The following CELF2 variants were observed in gnomAD, a reference collection of about 807,000 sequenced individuals.
CELF2 encodes the protein CUGBP Elav-like family member 2, also known as CUG triplet repeat RNA-binding protein 2.
In CELF2, 8 loss-of-function variants were observed where a neutral mutation model predicts 62.6. The ratio of observed to expected loss-of-function variants is 0.13; its 90% CI spans 0.07 to 0.23. CELF2 has a LOEUF of 0.23. Ranked by LOEUF, CELF2 falls within the 10% of genes least tolerant of loss-of-function variation. The pLI, the probability that CELF2 is intolerant of heterozygous loss-of-function variation, is 1.00. For missense variants in CELF2, 333 were observed against 671.0 expected (o/e 0.50, Z 5.56); for synonymous variants, 258 against 250.0 (o/e 1.03, Z -0.30).
rs185361141 is a variant in CELF2, at chr10:10,800,203, G to A, written c.53+1386G>A. On this transcript the variant is annotated intron_variant, in intron 1 of 13. Coordinates refer to the CELF2 transcript ENST00000636488. ...AAAAAGTACTGCATGTCATATTCTA[G>A]AACTTTCCACGGATGCTTTTTGCAC... Among the ~76,000 whole-genome samples, 355 of 152,232 alleles carry A rather than the reference G, an allele frequency of 2.3e-3. 2 individuals are homozygous for A. Among genetic ancestry groups the A allele is most frequent in the Non-Finnish European group, 5.4e-4 (37 of 68,020 alleles).
rs1363404002 is a variant in CELF2 at position 11,103,478 on chromosome 10, T to A, written c.75-62008T>A. On this transcript the variant is annotated intron_variant, in intron 1 of 12. Coordinates refer to ENST00000633077, the MANE Select transcript of CELF2 (RefSeq NM_001326342.2). The stretch of plus-strand genomic sequence containing the variant: ...CTTCTGAATCGGATAAACCTGTGTT[T>A]GTAGCCTGATTTTTTTTTTTTTTTT... Among the ~76,000 whole-genome samples the A allele has an allele frequency of 1.2e-4, 17 of 144,702 alleles. No homozygotes were observed. In the Admixed American group the frequency reaches 1.2e-3, roughly 11 times the overall value. The allele number at this position is 144,702 out of a possible 152,430, so 94.9% of individuals were successfully genotyped here.
chr10:10,778,706 T>A, the CELF2 span, among the ~76,000 whole-genome samples: 9 of 152,144 alleles, frequency 5.9e-5, no homozygotes, highest in Non-Finnish European at 1.0e-4. Flanking sequence ...GATAAATATA[T>A]GTAAAAAATG....
chr10:11,091,345 G>A (rs2048275036), intron 1 of CELF2, among the ~76,000 whole-genome samples: 1 of 152,180 alleles, frequency 6.6e-6, no homozygotes. Flanking sequence ...TTCAGCAAAG[G>A]AATGAAATTT....
rs77332367 is a variant in CELF2 at position 11,220,922 on chromosome 10, G to T, written c.354+3415G>T. Among the ~76,000 whole-genome samples the T allele has an allele frequency of 6.6e-6, 1 of 152,168 alleles. No homozygotes were observed. Among genetic ancestry groups the T allele is most frequent in the African/African-American group, 2.4e-5 (1 of 41,412 alleles). On this transcript the variant is annotated intron_variant, in intron 3 of 12. Coordinates refer to ENST00000633077, the MANE Select transcript of CELF2 (RefSeq NM_001326342.2). This position sits in a 1 kb window ranked among gnomAD's most constrained non-coding sequence, Gnocchi z 4.4. ...GTATTGGCAGGAAGTAGCAGGGATCGAGCCCAAGGGGGCCTCTAGCTAATC... is the reference window on the plus strand; with the variant it reads ...GTATTGGCAGGAAGTAGCAGGGATCTAGCCCAAGGGGGCCTCTAGCTAATC...
chr10:11,217,526 G>T lies in CELF2; in HGVS notation c.354+19G>T. The stretch of plus-strand genomic sequence containing the variant: ...ACCTGGGGTGAGTCGGTTTACTTTT[G>T]TACCAGAATCACTTTATTGCTTGAA... On this transcript the variant is annotated intron_variant, in intron 3 of 12. Transcript: ENST00000633077. The surrounding 1 kb of genome is among the most constrained non-coding windows in gnomAD (Gnocchi z 5.6). The T allele has an allele frequency of 1.3e-6, 2 of 1,554,894 alleles. No homozygotes were observed. The highest frequency in any genetic ancestry group is 1.1e-5 in the South Asian group (1 of 88,030).
At chr10:10,923,730 T>C (rs2065140836) in intron 2 of CELF2, 1 of 152,254 alleles carries the variant, frequency 6.6e-6, no homozygotes, top group South Asian at 2.1e-4. Flanking sequence ...ACCAATGATC[T>C]TGTTAGGATT....
intron 3 of CELF2, among the ~76,000 whole-genome samples, chr10:11,230,518 T>C (rs1482108186): frequency 6.6e-6 from 1 of 152,202 alleles, no homozygotes; most frequent in Non-Finnish European, 1.5e-5. Flanking sequence ...AGAGATCCTC[T>C]GGAGAGGCTG....
chr10:11,211,457 C>T lies in CELF2; in HGVS notation c.272-5968C>T, dbSNP rs2061750539. Among the ~76,000 whole-genome samples, 1 of 152,156 alleles carries T rather than the reference C, an allele frequency of 6.6e-6. No individual in the cohort carries two copies. Among genetic ancestry groups the T allele is most frequent in the African/African-American group, 2.4e-5 (1 of 41,412 alleles). ...ATGAGTTTAAAATCTGACCTCATAT[C>T]ATTGTCTAGAGTGGTGTCTACATTA... is the stretch of plus-strand genomic sequence containing the variant. On this transcript the variant is annotated intron_variant, in intron 2 of 12. Coordinates refer to ENST00000633077, the MANE Select transcript of CELF2 (RefSeq NM_001326342.2). The surrounding 1 kb of genome is among the most constrained non-coding windows in gnomAD (Gnocchi z 4.8).
chr10:11,097,822 C>T (rs1595178328), intron 1 of CELF2, among the ~76,000 whole-genome samples: 1 of 152,340 alleles, frequency 6.6e-6, no homozygotes, highest in East Asian at 1.9e-4. Flanking sequence ...GTCAACCAAC[C>T]TTTGTCACCA....
intron 1 of CELF2, among the ~76,000 whole-genome samples, chr10:10,912,491 T>C (rs534336857): frequency 1.3e-5 from 2 of 152,250 alleles, no homozygotes; most frequent in South Asian, 4.2e-4. Context: ...TGCCTCAGCC[T>C]CCCGAGTAGC....
chr10:10,519,699 A>T, the CELF2 span, among the ~76,000 whole-genome samples: 1 of 152,148 alleles, frequency 6.6e-6, no homozygotes, highest in African/African-American at 2.4e-5. Context: ...AAACCACAAG[A>T]CTGGTCATGG....
At chr10:10,903,899 A>G (rs10905858) in intron 1 of CELF2, among the ~76,000 whole-genome samples, 80,971 of 152,056 alleles carry the variant, frequency 0.53, 22,331 homozygotes, top group Non-Finnish European at 0.61. Flanking sequence ...GCATGCCTGC[A>G]TAGCATAAAC....
At chr10:10,722,760 A>C in the CELF2 span, among the ~76,000 whole-genome samples, 1 of 152,188 alleles carries the variant, frequency 6.6e-6, no homozygotes, top group Non-Finnish European at 1.5e-5. Context: ...AAAAATTAAC[A>C]ATGACTTCTG....
chr10:11,198,757 A>G (rs1041864896), intron 2 of CELF2, among the ~76,000 whole-genome samples: 2 of 152,220 alleles, frequency 1.3e-5, no homozygotes, highest in Non-Finnish European at 2.9e-5. Context: ...CATCCAAAGG[A>G]AAAGCGTTGT....
chr10:11,178,816 G>A lies in CELF2; in HGVS notation c.271+13134G>A, dbSNP rs563310345. Among the ~76,000 whole-genome samples the A allele has an allele frequency of 2.0e-5, 3 of 152,342 alleles. No individual in the cohort carries two copies. The South Asian group carries it at 6.2e-4, about 32-fold the overall frequency. ...CCCCCTGCATTAGCCGCAGAGCTGA[G>A]TGAGTCTATGAAAACCCATTGGTCG... On this transcript the variant is annotated intron_variant, in intron 2 of 12. Coordinates refer to ENST00000633077, the MANE Select transcript of CELF2 (RefSeq NM_001326342.2). The surrounding 1 kb of genome is among the most constrained non-coding windows in gnomAD (Gnocchi z 4.3).
the CELF2 span, among the ~76,000 whole-genome samples, chr10:10,768,228 C>T: frequency 6.6e-6 from 1 of 151,842 alleles, no homozygotes; most frequent in African/African-American, 2.4e-5. Flanking sequence ...AACATTTGCC[C>T]CATGAGCTGG....
chr10:10,664,299 C>T, the CELF2 span, among the ~76,000 whole-genome samples: 1 of 152,120 alleles, frequency 6.6e-6, no homozygotes, highest in African/African-American at 2.4e-5. Context: ...TGTATCGTTC[C>T]TTTACTGCAA....
the CELF2 span, among the ~76,000 whole-genome samples, chr10:10,704,038 C>T: frequency 5.3e-5 from 8 of 152,188 alleles, no homozygotes; most frequent in Non-Finnish European, 7.3e-5. Context: ...TTTGCTTTTA[C>T]GGTGGAACTT....
At position 11,224,520 on chromosome 10, in the gene CELF2, G is replaced by T. The variant is rs1243747357; in HGVS notation, c.354+7013G>T. On this transcript the variant is annotated intron_variant, in intron 3 of 12. Transcript: ENST00000633077. This position sits in a 1 kb window ranked among gnomAD's most constrained non-coding sequence, Gnocchi z 4.5. ...TGATAGGATTTCAAAAGAAGATTGTGGGGGAGGCGGGGGATCCATGAATTT... is the reference window on the plus strand; with the variant it reads ...TGATAGGATTTCAAAAGAAGATTGTTGGGGAGGCGGGGGATCCATGAATTT... 6.6e-6 allele frequency among the ~76,000 whole-genome samples: 1 copy of T among 152,178 alleles called. No individual in the cohort carries two copies.
Sources: allele counts gnomAD v4.1 joint callset (sites outside exome capture counted in the v4.1 genomes callset), GRCh38; gene constraint gnomAD v4.1.1; non-coding constraint Gnocchi (gnomAD v3.1); transcripts MANE v1.5; gene names NCBI Gene and HGNC (gene_info 2026-07-23, HGNC 2026-07-21).